AQR: variants seen among roughly 807,000 people sequenced by gnomAD.
The protein encoded by AQR is RNA helicase aquarius.
In AQR, 61 loss-of-function variants were observed where a neutral mutation model predicts 180.5. The observed-to-expected ratio is 0.34, with a 90% CI of 0.28 to 0.42. The LOEUF is 0.42. AQR is among the 10% of genes least tolerant of loss of function. The pLI, the probability that AQR is intolerant of heterozygous loss-of-function variation, is 1.00. For missense variants in AQR, 1,281 were observed against 1,798.3 expected (o/e 0.71, Z 5.20); for synonymous variants, 551 against 588.8 (o/e 0.94, Z 0.93).
At chr15:34,947,038 T>G (rs891553702) in intron 5 of AQR, among the ~76,000 whole-genome samples, 13 of 152,320 alleles carry the variant, frequency 8.5e-5, no homozygotes, top group East Asian at 3.9e-4. Flanking sequence ...GAACGGGCCA[T>G]GATGACAATG....
intron 34 of AQR, among the ~76,000 whole-genome samples, chr15:34,858,320 C>CAAAAAAAAAA (rs57627687): frequency 5.7e-4 from 49 of 85,992 alleles, no homozygotes; most frequent in South Asian, 8.7e-4. Flanking sequence ...ACGACAGCAG[C>CAAAAAAAAAA]AAAAAAAAAA....
intron 26 of AQR, among the ~76,000 whole-genome samples, chr15:34,883,815 A>AG (rs1893012622): frequency 6.6e-6 from 1 of 152,220 alleles, no homozygotes; most frequent in African/African-American, 2.4e-5. Context: ...AGACATATCC[A>AG]GGGGGCACTG....
intron 5 of AQR, chr15:34,948,007 C>G: frequency 3.0e-6 from 1 of 337,580 alleles, no homozygotes; most frequent in Admixed American, 4.5e-5. Context: ...ATATACCATT[C>G]TTTGTTTCAA....
intron 16 of AQR, among the ~76,000 whole-genome samples, chr15:34,912,863 T>A (rs944166095): frequency 1.3e-5 from 2 of 152,184 alleles, no homozygotes; most frequent in Non-Finnish European, 2.9e-5. Flanking sequence ...AAAGACTTTA[T>A]GTCACAACAA....
At chr15:34,921,480 A>G (rs991550467) in intron 13 of AQR, among the ~76,000 whole-genome samples, 1 of 151,578 alleles carries the variant, frequency 6.6e-6, no homozygotes, top group Non-Finnish European at 1.5e-5. Context: ...CCAGCCTTGG[A>G]CAAATGGCCA....
intron 16 of AQR, among the ~76,000 whole-genome samples, chr15:34,910,546 A>G (rs1485060957): frequency 1.3e-5 from 2 of 152,208 alleles, no homozygotes; most frequent in Non-Finnish European, 2.9e-5. Context: ...AACATGGTCC[A>G]GAAAAGAAAG....
chr15:34,870,754 T>C lies in AQR; in HGVS notation c.3766A>G (p.Lys1256Glu), dbSNP rs1892805046. 1 of 1,609,842 alleles carries C rather than the reference T, an allele frequency of 6.2e-7. No individual in the cohort carries two copies. Among genetic ancestry groups the C allele is most frequent in the African/African-American group, 1.3e-5 (1 of 74,766 alleles). Residue 1256 changes from lysine to glutamate, a missense_variant and splice_region_variant, in exon 31 of 35, where the codon AAG (lysine) becomes GAG (glutamate). Physicochemically the swap from Lys to Glu is moderately conservative, Grantham distance 56. This residue lies in a region of AQR where 197 missense variants were observed against 320.7 expected (regional missense o/e 0.61). Coordinates refer to ENST00000156471, the MANE Select transcript of AQR (RefSeq NM_014691.3). ...ACATATTATAATTATAAAAGTACCT[T>C]GTTTGGTCTTCCAATCAATGGATTG... ...GNNPLIGRPN[K>E]VTTVDRFQGQ...
intron 17 of AQR, among the ~76,000 whole-genome samples, chr15:34,908,003 G>A (rs1304928668): frequency 1.3e-5 from 2 of 152,090 alleles, no homozygotes; most frequent in Non-Finnish European, 2.9e-5. Flanking sequence ...GTGCTTTCTG[G>A]AGCAAATCTG....
At chr15:34,967,989 T>C (rs1004245434) in intron 1 of AQR, among the ~76,000 whole-genome samples, 2 of 151,610 alleles carry the variant, frequency 1.3e-5, no homozygotes, top group Non-Finnish European at 2.9e-5. Context: ...ACTTTTGTAT[T>C]TTTAGTAGAG....
intron 17 of AQR, 96 bp from the exon 18 acceptor site, chr15:34,906,808 G>T: frequency 8.3e-7 from 1 of 1,203,604 alleles, no homozygotes; most frequent in Non-Finnish European, 1.1e-6. Context: ...TCTTATCTTT[G>T]GTAGAGAGAT....
In AQR at chr15:34,916,962, T is replaced by C. The variant is rs572504875; in HGVS notation, c.1342+1296A>G. Among the ~76,000 whole-genome samples, 418 of 152,100 alleles carry C rather than the reference T, an allele frequency of 2.7e-3. 1 individual carries two copies. Among genetic ancestry groups the C allele is most frequent in the African/African-American group, 8.8e-3 (365 of 41,504 alleles). Reference sequence around the variant, plus strand: ...AGTAAAGTAAAAGACATTTTTTTAATGAAACCTTGTAACCACCTTGTCAGC... The same window carrying C: ...AGTAAAGTAAAAGACATTTTTTTAACGAAACCTTGTAACCACCTTGTCAGC... On this transcript the variant is annotated intron_variant, in intron 15 of 34. Transcript: ENST00000156471.
chr15:34,884,496 G>A, intron 26 of AQR, 29 bp downstream of exon 26: 2 of 1,466,726 alleles, frequency 1.4e-6, no homozygotes, highest in South Asian at 1.3e-5. Context: ...ACCACTAAAG[G>A]GAAGTTCAAA....
At chr15:34,942,140 T>C in intron 6 of AQR, 60 bp from the exon 7 acceptor site, 2 of 1,341,130 alleles carry the variant, frequency 1.5e-6, no homozygotes, top group South Asian at 2.5e-5. Flanking sequence ...CCTAAGTCTT[T>C]ACATAAGAAG....
At chr15:34,967,955 A>T (rs1287642153) in intron 1 of AQR, among the ~76,000 whole-genome samples, 1 of 151,842 alleles carries the variant, frequency 6.6e-6, no homozygotes, top group Non-Finnish European at 1.5e-5. Context: ...CTGGGATTAC[A>T]GGCATGCACC....
intron 19 of AQR, among the ~76,000 whole-genome samples, chr15:34,902,248 G>A (rs1192287184): frequency 6.6e-6 from 1 of 152,100 alleles, no homozygotes; most frequent in East Asian, 1.9e-4. Context: ...AAAAACAGGT[G>A]ACTGGCTATG....
rs1049115201 is a variant in AQR at position 34,964,774 on chromosome 15, T to G, written c.76-484A>C. Among the ~76,000 whole-genome samples, 5 of 133,132 alleles carry G rather than the reference T, an allele frequency of 3.8e-5. No homozygotes were observed. In the East Asian group the frequency reaches 9.0e-4, roughly 24 times the overall value. The allele number at this position is 133,132 out of a possible 152,430, so 87.3% of individuals were successfully genotyped here. Reference sequence around the variant, plus strand: ...TAACAAAACCTAAAAAAAAAAAAAATTGTAGTCTATCGGCTGCTTATTACA... The same window carrying G: ...TAACAAAACCTAAAAAAAAAAAAAAGTGTAGTCTATCGGCTGCTTATTACA... On this transcript the variant is annotated intron_variant, in intron 1 of 34. Coordinates refer to ENST00000156471, the MANE Select transcript of AQR (RefSeq NM_014691.3).
At chr15:34,947,012 C>T (rs1203319515) in intron 5 of AQR, among the ~76,000 whole-genome samples, 1 of 152,192 alleles carries the variant, frequency 6.6e-6, no homozygotes, top group Non-Finnish European at 1.5e-5. Flanking sequence ...GGGAGGTGTG[C>T]CCAACAGCTC....
chr15:34,948,808 A>C (rs991259749), intron 4 of AQR, among the ~76,000 whole-genome samples: 6 of 152,028 alleles, frequency 3.9e-5, no homozygotes, highest in Admixed American at 1.3e-4. Context: ...AAAAAAAAAA[A>C]AAAAACTTGG....
chr15:34,870,786 C>T lies in AQR; in HGVS notation c.3734G>A (p.Cys1245Tyr). 1 of 1,612,650 alleles carries T rather than the reference C, an allele frequency of 6.2e-7. No homozygotes were observed. The change falls in exon 31 of 35, where the codon TGT becomes TAT. Residue 1245 changes from cysteine (C) to tyrosine (Y), a missense_variant. Coordinates refer to ENST00000156471, the MANE Select transcript of AQR (RefSeq NM_014691.3). ...TCTTCCAATCAATGGATTGTTTCCACATCGTCTATTGATGATGTCGCGAAT... is the reference window on the plus strand; with the variant it reads ...TCTTCCAATCAATGGATTGTTTCCATATCGTCTATTGATGATGTCGCGAAT... ...HLIRDIINRR[C>Y]GNNPLIGRPN...
Sources: gnomAD v4.1 joint callset for allele counts (sites outside exome capture counted in the v4.1 genomes callset) on GRCh38, gnomAD v4.1.1 for gene constraint, gnomAD v4.1.1 regional missense constraint, MANE v1.5 for transcripts, NCBI Gene and HGNC (gene_info 2026-07-23, HGNC 2026-07-21) for gene names.